The following ANTXRL variants were observed in gnomAD, a reference collection of about 807,000 sequenced individuals.
The protein encoded by ANTXRL is anthrax toxin receptor-like.
ANTXRL carries 63 observed loss-of-function variants against 75.4 expected under a neutral mutation model. The observed-to-expected ratio is 0.84, with a 90% confidence interval of 0.68 to 1.03. The LOEUF (loss-of-function observed/expected upper bound fraction) is 1.03, where lower values mean the gene tolerates loss of function less well. Ranked by LOEUF, ANTXRL falls within the 50% of genes least tolerant of loss-of-function variation. The probability of loss-of-function intolerance (pLI) is 0.00; values close to 1 mark genes in which losing one functional copy is unlikely to be tolerated. For synonymous variants in ANTXRL, 335 were observed against 291.3 expected, an observed-to-expected ratio of 1.15 and a Z score of -1.53; for missense variants, 797 against 789.4, an observed-to-expected ratio of 1.01 and a Z score of -0.12.
At chr10:46,301,122 T>C (rs1463446608) in intron 9 of ANTXRL, among the ~76,000 whole-genome samples, 1 of 152,200 alleles carries the variant, frequency 6.6e-6, no homozygotes, top group Non-Finnish European at 1.5e-5. Context: ...CAGCCCTGCT[T>C]AGAGTGGCCA....
chr10:46,308,363 C>T (rs1838217386), intron 12 of ANTXRL: 1 of 418,520 alleles, frequency 2.4e-6, no homozygotes, highest in Non-Finnish European at 4.8e-6. Context: ...GGTTCCTCTC[C>T]TTCAGCCAGC....
chr10:46,293,934 G>A, intron 3 of ANTXRL, 34 bp downstream of exon 3: 1 of 1,529,858 alleles, frequency 6.5e-7, no homozygotes, highest in Non-Finnish European at 8.8e-7. Context: ...AGGGAGGCCT[G>A]ATGAGCTTGG....
chr10:46,305,997 T>C (rs1838057919), intron 10 of ANTXRL, among the ~76,000 whole-genome samples: 1 of 152,104 alleles, frequency 6.6e-6, no homozygotes, highest in Admixed American at 6.5e-5. Context: ...CCTGGACAGA[T>C]TCACTGCACA....
chr10:46,329,936 G>A lies in ANTXRL; in HGVS notation c.1748G>A (p.Cys583Tyr), dbSNP rs782261111. 8.5e-6 allele frequency: 13 copies of A among 1,535,780 alleles called. No individual in the cohort carries two copies. The highest frequency in any genetic ancestry group is 9.6e-6 in the Non-Finnish European group (11 of 1,146,752). The change falls in exon 17 of 17, where the codon TGC becomes TAC. Residue 583 changes from cysteine to tyrosine, a missense_variant. Physicochemically the swap from Cys to Tyr is radical, Grantham distance 194. Around this residue, in one of 3 missense-constraint regions of ANTXRL, gnomAD observed 479 missense variants for 422.0 expected, o/e 1.14. Transcript: ENST00000620264. ...PKSCLQPSRE[C>Y]LPLTCSSRCR... Reference sequence around the variant, plus strand: ...AGCTGCCTTCAACCCAGCCGGGAGTGCCTCCCCCTCACCTGCTCCTCCAGG... The same window carrying A: ...AGCTGCCTTCAACCCAGCCGGGAGTACCTCCCCCTCACCTGCTCCTCCAGG...
chr10:46,311,272 G>T (rs1166976156), intron 14 of ANTXRL, among the ~76,000 whole-genome samples: 2 of 152,118 alleles, frequency 1.3e-5, no homozygotes, highest in Non-Finnish European at 2.9e-5. Context: ...CCCAGGGCAG[G>T]CCTCTTTCAA....
At chr10:46,301,458 A>C (rs1246888704) in intron 9 of ANTXRL, among the ~76,000 whole-genome samples, 5 of 152,168 alleles carry the variant, frequency 3.3e-5, no homozygotes, top group African/African-American at 1.2e-4. Flanking sequence ...TACGAGAGCC[A>C]GGCTGGCACC....
chr10:46,329,574 C>A, intron 16 of ANTXRL, 25 bp from the exon 17 acceptor site: 4 of 1,522,446 alleles, frequency 2.6e-6, no homozygotes, highest in South Asian at 1.2e-5. Flanking sequence ...TCACGGTGAC[C>A]TTCTCTCTCT....
intron 16 of ANTXRL, among the ~76,000 whole-genome samples, chr10:46,316,494 G>A (rs1361675855): frequency 2.6e-5 from 4 of 152,092 alleles, no homozygotes; most frequent in African/African-American, 9.7e-5. Flanking sequence ...CCACCTCTCT[G>A]TCCTGCAAGG....
In ANTXRL at chr10:46,306,696, T is replaced by C. The variant is rs1202409870; in HGVS notation, c.896-107T>C. The C allele has an allele frequency of 5.2e-6, 5 of 955,626 alleles. No homozygotes were observed. In the Admixed American group the frequency reaches 1.5e-4, roughly 29 times the overall value. 59.2% of individuals were successfully genotyped at this position (955,626 alleles called of 1,614,324 possible). A position where few individuals can be genotyped will look rare whatever the true frequency, so the allele number is the denominator to read the frequency against. On this transcript the variant is annotated intron_variant, in intron 10 of 16. Transcript: ENST00000620264. The stretch of plus-strand genomic sequence containing the variant: ...GTGCAATAGGAAGGCAGAGCCCACA[T>C]GCCGGTCCTGGGCCACAGGGTCAGC...
At chr10:46,300,211 C>T (rs782613552) in intron 9 of ANTXRL, among the ~76,000 whole-genome samples, 15 of 152,262 alleles carry the variant, frequency 9.9e-5, no homozygotes, top group Non-Finnish European at 1.3e-4. Flanking sequence ...TGTCAGCTGT[C>T]GGCTGAGTTG....
At chr10:46,311,456 C>G in intron 14 of ANTXRL, 54 bp from the exon 15 acceptor site, 3 of 1,483,962 alleles carry the variant, frequency 2.0e-6, no homozygotes. Context: ...CTGGGAGTGG[C>G]CAGCACTGTG....
Position 46,296,090 on chromosome 10 carries a change from G to T in ANTXRL, c.464G>T (p.Gly155Val). 6.5e-7 allele frequency: 1 copy of T among 1,535,878 alleles called. No homozygotes were observed. Among genetic ancestry groups the T allele is most frequent in the Non-Finnish European group, 8.7e-7 (1 of 1,146,734 alleles). The change falls in exon 4 of 17, where the codon GGA becomes GTA. Residue 155 changes from glycine (G) to valine (V), a missense_variant. This residue lies in a region of ANTXRL where 262 missense variants were observed against 271.9 expected (regional missense o/e 0.96). Coordinates refer to ENST00000620264, the MANE Select transcript of ANTXRL (RefSeq NM_001278688.3). ...GACGGTCACACATTCATGCAGGCAG[G>T]ATTTAGAAAGGTATAGACCCCTTGA... ...VPDGHTFMQA[G>V]FRKAIQQIES...
At chr10:46,286,469 A>G (rs1406825356), upstream of ANTXRL, 1 of 152,246 alleles carries the variant, frequency 6.6e-6, no homozygotes. Flanking sequence ...CAGCCTCCAG[A>G]TAATTCCAGT....
At chr10:46,327,666 C>T (rs1315947617) in intron 16 of ANTXRL, among the ~76,000 whole-genome samples, 1 of 152,112 alleles carries the variant, frequency 6.6e-6, no homozygotes, top group African/African-American at 2.4e-5. Context: ...AGGCATTTGT[C>T]ACTCACATGT....
intron 16 of ANTXRL, among the ~76,000 whole-genome samples, chr10:46,326,259 G>A (rs1839207077): frequency 6.6e-6 from 1 of 152,068 alleles, no homozygotes; most frequent in Admixed American, 6.6e-5. Flanking sequence ...CCCTCACCCA[G>A]CACTGGTGTT....
rs1300816130 is a variant in ANTXRL at position 46,296,166 on chromosome 10, A to G, written c.475-53A>G. On this transcript the variant is annotated intron_variant, in intron 4 of 16. Coordinates refer to ENST00000620264, the MANE Select transcript of ANTXRL (RefSeq NM_001278688.3). ...ACCCTAACCTACAAAATCTTAGAGCATCAGTGGGAGCATCTCACTGTCCAG... is the reference window on the plus strand; with the variant it reads ...ACCCTAACCTACAAAATCTTAGAGCGTCAGTGGGAGCATCTCACTGTCCAG... 4.0e-5 allele frequency: 62 copies of G among 1,535,128 alleles called. No individual in the cohort carries two copies. The East Asian group carries it at 1.5e-3, about 36-fold the overall frequency.
chr10:46,295,578 G>A (rs74129843), intron 3 of ANTXRL, among the ~76,000 whole-genome samples: 3,940 of 105,696 alleles, frequency 0.037, 691 homozygotes, highest in African/African-American at 0.12. Flanking sequence ...TAAAGTTAGG[G>A]TTTGGGTTAG....
intron 9 of ANTXRL, among the ~76,000 whole-genome samples, chr10:46,299,324 A>G (rs548203232): frequency 3.1e-4 from 47 of 152,278 alleles, no homozygotes; most frequent in African/African-American, 1.1e-3. Context: ...TCAATCCCAC[A>G]GGATCAATCC....
Position 46,287,323 on chromosome 10 carries a change from C to A in ANTXRL, c.61C>A (p.Pro21Thr). 6.5e-7 allele frequency: 1 copy of A among 1,536,038 alleles called. No homozygotes were observed. Residue 21 changes from proline (P) to threonine (T), a missense_variant, in exon 1 of 17, where the codon CCT becomes ACT. Physicochemically the swap from Pro to Thr is conservative, Grantham distance 38. Transcript: ENST00000620264. ...GGTCTTCCTGCTGCTGCTGCTGCTT[C>A]CTCCACCGCTTTTTAGAGCAGGAAG... is the stretch of plus-strand genomic sequence containing the variant. ...FLVFLLLLLL[P>T]PPLFRAGSLR...
Sources: allele counts gnomAD v4.1 joint callset (sites outside exome capture counted in the v4.1 genomes callset), GRCh38; gene constraint gnomAD v4.1.1; regional missense constraint gnomAD v4.1.1; transcripts MANE v1.5; gene names NCBI Gene and HGNC (gene_info 2026-07-23, HGNC 2026-07-21).